The following RIT2 variants were observed in gnomAD, a reference collection of about 807,000 sequenced individuals.
The protein encoded by RIT2 is Ras like without CAAX 2, also known as GTP-binding protein Rit2.
In RIT2, 24 loss-of-function variants were observed where a neutral mutation model predicts 23.7. The observed-to-expected ratio is 1.01, with a 90% CI of 0.73 to 1.43. The LOEUF (loss-of-function observed/expected upper bound fraction) is 1.43, where lower values mean the gene tolerates loss of function less well. Ranked by LOEUF, RIT2 falls within the 40% of genes most tolerant of loss-of-function variation. The probability of loss-of-function intolerance (pLI) is 0.00; values close to 1 mark genes in which losing one functional copy is unlikely to be tolerated. For missense variants in RIT2, 236 were observed against 266.9 expected, an observed-to-expected ratio of 0.88 and a Z score of 0.81; for synonymous variants, 107 against 91.1, an observed-to-expected ratio of 1.17 and a Z score of -0.99.
intron 4 of RIT2, among the ~76,000 whole-genome samples, chr18:42,779,195 G>C (rs1210162641): frequency 6.6e-6 from 1 of 152,018 alleles, no homozygotes; most frequent in Non-Finnish European, 1.5e-5. Context: ...TTACTTAGAG[G>C]ATTTATTTTA....
chr18:43,103,614 T>C (rs1407101140), intron 1 of RIT2, among the ~76,000 whole-genome samples: 2 of 152,162 alleles, frequency 1.3e-5, no homozygotes, highest in Non-Finnish European at 2.9e-5. Context: ...CAAGAAGTAT[T>C]TGTGCAGAAT....
intron 4 of RIT2, among the ~76,000 whole-genome samples, chr18:42,862,289 GA>G (rs1907350079): frequency 6.6e-6 from 1 of 152,056 alleles, no homozygotes; most frequent in African/African-American, 2.4e-5. Context: ...GCCACCACGT[GA>G]AGAAGGTCAT....
chr18:42,888,519 G>GTTTT (rs139162530), intron 4 of RIT2, among the ~76,000 whole-genome samples: 1 of 148,440 alleles, frequency 6.7e-6, no homozygotes, highest in Non-Finnish European at 1.5e-5. Context: ...TCCAGCATCT[G>GTTTT]TTTTTTTTTT....
At chr18:42,761,247 T>C (rs955544539) in intron 4 of RIT2, among the ~76,000 whole-genome samples, 1 of 152,206 alleles carries the variant, frequency 6.6e-6, no homozygotes, top group African/African-American at 2.4e-5. Flanking sequence ...TTTTGTAACT[T>C]CACTAGTCAA....
At chr18:43,044,524 C>T (rs1912202306) in intron 1 of RIT2, among the ~76,000 whole-genome samples, 1 of 152,080 alleles carries the variant, frequency 6.6e-6, no homozygotes, top group South Asian at 2.1e-4. Context: ...ATTTCTGAAC[C>T]AATTATTTTC....
At chr18:42,895,719 C>T (rs1375734780) in intron 4 of RIT2, among the ~76,000 whole-genome samples, 2 of 152,252 alleles carry the variant, frequency 1.3e-5, no homozygotes, top group Non-Finnish European at 2.9e-5. Flanking sequence ...AGGAAGAACT[C>T]GGTAAGACAC....
intron 4 of RIT2, among the ~76,000 whole-genome samples, chr18:42,833,978 G>A (rs554216359): frequency 9.9e-4 from 150 of 152,216 alleles, no homozygotes; most frequent in Middle Eastern, 3.4e-3. Context: ...TGGTGCTATT[G>A]ATTTTAGACT....
chr18:42,956,180 G>C (rs1909966651), intron 3 of RIT2, among the ~76,000 whole-genome samples: 1 of 152,044 alleles, frequency 6.6e-6, no homozygotes, highest in Non-Finnish European at 1.5e-5. Flanking sequence ...AACATCCAAG[G>C]ATAGATCTAC....
intron 4 of RIT2, among the ~76,000 whole-genome samples, chr18:42,819,840 G>C (rs1377712597): frequency 1.3e-5 from 2 of 152,098 alleles, no homozygotes; most frequent in Non-Finnish European, 2.9e-5. Context: ...AATGTGGGTA[G>C]AGTACAGTAG....
At chr18:42,745,619 A>G (rs1354329143) in intron 4 of RIT2, among the ~76,000 whole-genome samples, 1 of 151,656 alleles carries the variant, frequency 6.6e-6, no homozygotes, top group Non-Finnish European at 1.5e-5. Context: ...TTTTTAGCTC[A>G]TTTCTACCTT....
rs137975566 is a variant in RIT2, at chr18:42,782,482, G to A, written c.427-38762C>T. Reference sequence around the variant, plus strand: ...CACGTATTTGCCTGGCTAGCAAGATGATTGATAGAAAGATAGATGGATAGA... The same window carrying A: ...CACGTATTTGCCTGGCTAGCAAGATAATTGATAGAAAGATAGATGGATAGA... On this transcript the variant is annotated intron_variant, in intron 4 of 4. Transcript: ENST00000326695. 4.4e-3 allele frequency among the ~76,000 whole-genome samples: 665 copies of A among 152,154 alleles called. 1 individual carries two copies. The highest frequency in any genetic ancestry group is 9.2e-3 in the Admixed American group (140 of 15,256).
rs1403462939 is a variant in RIT2 at position 43,057,568 on chromosome 18, G to A, written c.104-23701C>T. The stretch of plus-strand genomic sequence containing the variant: ...TATTAAACATGGATCATTCTGAAAA[G>A]TTTTTTGGTAAGGATGTAGTGTATG... On this transcript the variant is annotated intron_variant, in intron 1 of 4. Coordinates refer to ENST00000326695, the MANE Select transcript of RIT2 (RefSeq NM_002930.4). Among the ~76,000 whole-genome samples, 3 of 152,208 alleles carry A rather than the reference G, an allele frequency of 2.0e-5. No homozygotes were observed. The East Asian group carries it at 5.8e-4, about 29-fold the overall frequency.
At chr18:43,111,258 AATTC>A (rs1224316199) in intron 1 of RIT2, among the ~76,000 whole-genome samples, 2 of 152,280 alleles carry the variant, frequency 1.3e-5, no homozygotes, top group African/African-American at 4.8e-5. Flanking sequence ...AAAACAATTT[AATTC>A]ATGGAGATAG....
At chr18:43,038,213 A>AAAT (rs1286873864) in intron 1 of RIT2, among the ~76,000 whole-genome samples, 2 of 150,718 alleles carry the variant, frequency 1.3e-5, no homozygotes, top group African/African-American at 4.8e-5. Flanking sequence ...TCAAAAAAAA[A>AAAT]AAAAAGCAGT....
At chr18:43,051,234 C>T (rs937298409) in intron 1 of RIT2, among the ~76,000 whole-genome samples, 11 of 152,076 alleles carry the variant, frequency 7.2e-5, no homozygotes, top group Non-Finnish European at 1.5e-4. Context: ...CCACAGAAGT[C>T]TTCCATGTTA....
At position 43,094,915 on chromosome 18, in the gene RIT2, A is replaced by C. The variant is rs562261418; in HGVS notation, c.103+20502T>G. On this transcript the variant is annotated intron_variant, in intron 1 of 4. Coordinates refer to ENST00000326695, the MANE Select transcript of RIT2 (RefSeq NM_002930.4). ...TCATTTTTTTTTTATGGCTGCATAG[A>C]ATTCCATTGTGTATATCTACCACAT... Among the ~76,000 whole-genome samples the C allele has an allele frequency of 1.9e-3, 283 of 152,104 alleles. 1 individual carries two copies. Among genetic ancestry groups the C allele is most frequent in the African/African-American group, 6.5e-3 (269 of 41,532 alleles).
chr18:43,018,712 C>A (rs944625561), intron 2 of RIT2, among the ~76,000 whole-genome samples: 1 of 151,894 alleles, frequency 6.6e-6, no homozygotes, highest in Non-Finnish European at 1.5e-5. Flanking sequence ...TAATGTTATT[C>A]CTCATAAATG....
At chr18:42,982,199 G>GT (rs1260922854) in intron 2 of RIT2, among the ~76,000 whole-genome samples, 6 of 152,204 alleles carry the variant, frequency 3.9e-5, no homozygotes, top group Admixed American at 3.3e-4. Flanking sequence ...AGCTGCTGGT[G>GT]TAAGACCTGG....
intron 2 of RIT2, among the ~76,000 whole-genome samples, chr18:43,024,928 C>A (rs1481161408): frequency 2.6e-5 from 4 of 151,980 alleles, no homozygotes; most frequent in Non-Finnish European, 4.4e-5. Flanking sequence ...AGCCAACAGG[C>A]CGGGTGCGGT....
Sources: gnomAD v4.1 joint callset for allele counts (sites outside exome capture counted in the v4.1 genomes callset) on GRCh38, gnomAD v4.1.1 for gene constraint, MANE v1.5 for transcripts, NCBI Gene and HGNC (gene_info 2026-07-23, HGNC 2026-07-21) for gene names.